MAP4K1: variants seen among roughly 807,000 people sequenced by gnomAD.
MAP4K1 encodes the protein mitogen-activated protein kinase kinase kinase kinase 1, also known as MAPK/ERK kinase kinase kinase 1.
A neutral mutation model predicts 122.8 loss-of-function variants in MAP4K1; 35 were observed. The ratio of observed to expected loss-of-function variants is 0.29; its 90% CI spans 0.22 to 0.38. MAP4K1 has a LOEUF of 0.38. Among genes scored for constraint, MAP4K1 ranks in the 10% least tolerant of loss-of-function variants. The pLI, the probability that MAP4K1 is intolerant of heterozygous loss-of-function variation, is 1.00. For missense variants in MAP4K1, 791 were observed against 1,072.6 expected (o/e 0.74, Z 3.67); for synonymous variants, 412 against 421.3 (o/e 0.98, Z 0.27).
Position 38,597,275 on chromosome 19 carries a change from C to T in MAP4K1, c.1837+51G>A, listed in dbSNP as rs775134715. The T allele has an allele frequency of 6.2e-7, 1 of 1,610,930 alleles. No individual in the cohort carries two copies. On this transcript the variant is annotated intron_variant, in intron 24 of 30. Transcript: ENST00000396857. The surrounding 1 kb of genome is among the most constrained non-coding windows in gnomAD (Gnocchi z 4.6). ...CAGGTGGATGCAGTTCAAGCCCCTC[C>T]TCTGGCCTGGCCCCGCCCACTCTCT...
chr19:38,616,321 C>T (rs1975647672), intron 3 of MAP4K1, 62 bp from the exon 4 acceptor site: 1 of 1,380,052 alleles, frequency 7.2e-7, no homozygotes, highest in Non-Finnish European at 1.0e-6. Flanking sequence ...TGCAGGAAAG[C>T]CCCTGGTTTG....
At chr19:38,600,533 C>T (rs994778103) in intron 20 of MAP4K1, among the ~76,000 whole-genome samples, 1 of 152,104 alleles carries the variant, frequency 6.6e-6, no homozygotes, top group Non-Finnish European at 1.5e-5. Context: ...CACCCCCAAA[C>T]AGGACTTTTT....
chr19:38,596,744 G>A (rs557120611), intron 25 of MAP4K1, among the ~76,000 whole-genome samples: 1 of 152,318 alleles, frequency 6.6e-6, no homozygotes, highest in South Asian at 2.1e-4. Flanking sequence ...AACCTGCTTA[G>A]ACACTCAAAG....
In MAP4K1 at chr19:38,616,239, C is replaced by G; in HGVS notation, c.269G>C (p.Cys90Ser). Residue 90 changes from cysteine (C) to serine (S), a missense_variant, in exon 4 of 31, where the codon TGC (cysteine) becomes TCC (serine). This residue lies in a region of MAP4K1 where 163 missense variants were observed against 286.1 expected (regional missense o/e 0.57). Transcript: ENST00000396857. ...AGAACCAGCCCCACAGAATTCCATG[C>G]AGATCCAGAGTTTCTGCAACCTGCA... Reference protein sequence around the residue: ...SYLWLQKLWICMEFCGAGSLQ... With the variant: ...SYLWLQKLWISMEFCGAGSLQ... 6.2e-7 allele frequency: 1 copy of G among 1,613,514 alleles called. No homozygotes were observed. Among genetic ancestry groups the G allele is most frequent in the South Asian group, 1.1e-5 (1 of 90,938 alleles).
chr19:38,605,336 A>G, intron 19 of MAP4K1, 73 bp downstream of exon 19: 1 of 1,108,396 alleles, frequency 9.0e-7, no homozygotes, highest in Non-Finnish European at 1.3e-6. Flanking sequence ...CAGTCCTGCC[A>G]CCCCCTCCCC....
At chr19:38,594,965 C>G (rs1018443550) in intron 29 of MAP4K1, among the ~76,000 whole-genome samples, 8 of 144,096 alleles carry the variant, frequency 5.6e-5, no homozygotes, top group African/African-American at 2.2e-4. Context: ...TTTTATCTAT[C>G]TATCTATCTA....
rs1164261721 is a variant in MAP4K1 at position 38,590,373 on chromosome 19, G to GAAAAAAAAAAAAA, written c.2397-2569_2397-2557dup. Among the ~76,000 whole-genome samples, 12 of 18,020 alleles carry GAAAAAAAAAAAAA rather than the reference G, an allele frequency of 6.7e-4. 6 individuals carry two copies. The highest frequency in any genetic ancestry group is 2.1e-3 in the Admixed American group (2 of 938). The allele number at this position is 18,020 out of a possible 152,430, so 11.8% of individuals were successfully genotyped here. A position where few individuals can be genotyped will look rare whatever the true frequency, so the allele number is the denominator to read the frequency against. On this transcript the variant is annotated intron_variant, in intron 30 of 30. Coordinates refer to ENST00000396857, the MANE Select transcript of MAP4K1 (RefSeq NM_001042600.3). ...AAGTGCCACCTATGATCTTGGACCA[G>GAAAAAAAAAAAAA]AAAAAAAAAAAAAAAAAAAAAATAT...
intron 20 of MAP4K1, 30 bp downstream of exon 20, chr19:38,601,411 A>G (rs746032578): frequency 1.9e-6 from 3 of 1,579,500 alleles, no homozygotes; most frequent in South Asian, 1.1e-5. Context: ...CATTCCCTAC[A>G]GGATCTCCTT....
At chr19:38,591,526 C>CAA (rs5828010) in intron 30 of MAP4K1, among the ~76,000 whole-genome samples, 7 of 66,590 alleles carry the variant, frequency 1.1e-4, no homozygotes, top group Admixed American at 2.8e-4. Context: ...GACTCCATCT[C>CAA]AAAAAAAAAA....
chr19:38,596,091 A>C (rs1599692734), intron 26 of MAP4K1, 90 bp from the exon 27 acceptor site: 1 of 1,396,202 alleles, frequency 7.2e-7, no homozygotes, highest in Non-Finnish European at 1.0e-6. Flanking sequence ...TGCTTTAGCC[A>C]CCGCCTCAGT....
chr19:38,601,787 G>GT (rs1001364338), intron 19 of MAP4K1: 51 of 432,494 alleles, frequency 1.2e-4, no homozygotes, highest in East Asian at 3.5e-4. Context: ...ATCAGCATTT[G>GT]TTTTTTTTAA....
At position 38,606,207 on chromosome 19, in the gene MAP4K1, G is replaced by A. The variant is rs1215761980; in HGVS notation, c.1166C>T (p.Pro389Leu). 3.9e-6 allele frequency: 6 copies of A among 1,555,352 alleles called. No individual in the cohort carries two copies. The highest frequency in any genetic ancestry group is 5.2e-6 in the Non-Finnish European group (6 of 1,153,878). ...DDYDDVDIPT[P>L]AEDTPPPLPP... ...AAGTGGAGGAGGTGTGTCCTCTGCAGGGGTGGGGCTGAAACACAAAGATGG... is the reference window on the plus strand; with the variant it reads ...AAGTGGAGGAGGTGTGTCCTCTGCAAGGGTGGGGCTGAAACACAAAGATGG... Residue 389 changes from proline (P) to leucine (L), a missense_variant, in exon 17 of 31, where the codon CCT becomes CTT. Pro to Leu is a moderately conservative substitution (Grantham distance 98, BLOSUM62 -3). This residue lies in a region of MAP4K1 where 303 missense variants were observed against 344.8 expected (regional missense o/e 0.88). Transcript: ENST00000396857.
intron 19 of MAP4K1, among the ~76,000 whole-genome samples, chr19:38,604,847 G>A (rs1213870668): frequency 6.6e-6 from 1 of 151,638 alleles, no homozygotes; most frequent in Non-Finnish European, 1.5e-5. Context: ...AGCACTTTGG[G>A]AGGCCGAGGC....
At position 38,617,177 on chromosome 19, in the gene MAP4K1, A is replaced by AGAGGT. The variant is rs1375591457; in HGVS notation, c.248+172_248+176dup. 1.3e-5 allele frequency among the ~76,000 whole-genome samples: 2 copies of AGAGGT among 152,114 alleles called. No homozygotes were observed. The highest frequency in any genetic ancestry group is 3.9e-4 in the East Asian group (2 of 5,180). ...AGAGAATTGCTTGAACCCAGGAGGC[A>AGAGGT]GAGGTTGCAGTGAGCTGAGATCATG... On this transcript the variant is annotated intron_variant, in intron 3 of 30. Transcript: ENST00000396857. This position sits in a 1 kb window ranked among gnomAD's most constrained non-coding sequence, Gnocchi z 4.1.
At position 38,596,301 on chromosome 19, in the gene MAP4K1, G is replaced by A; in HGVS notation, c.2116+11C>T. ...TAAGCCCCGCCCTCAGCAAGACTCC[G>A]CCCCACTCACCGGTGCTCATCTCGC... On this transcript the variant is annotated intron_variant, in intron 26 of 30. Coordinates refer to ENST00000396857, the MANE Select transcript of MAP4K1 (RefSeq NM_001042600.3). The A allele has an allele frequency of 6.5e-7, 1 of 1,549,890 alleles. No homozygotes were observed. Among genetic ancestry groups the A allele is most frequent in the Non-Finnish European group, 8.7e-7 (1 of 1,145,836 alleles).
intron 29 of MAP4K1, among the ~76,000 whole-genome samples, chr19:38,595,225 G>A (rs2145935132): frequency 6.6e-6 from 1 of 152,106 alleles, no homozygotes; most frequent in East Asian, 1.9e-4. Context: ...GGAGGTGGAG[G>A]TTGCAGTGAG....
chr19:38,607,803 G>A, intron 16 of MAP4K1, 61 bp downstream of exon 16: 1 of 1,561,524 alleles, frequency 6.4e-7, no homozygotes, highest in East Asian at 2.3e-5. Flanking sequence ...CACATCAGGG[G>A]ATTGTAGGAA....
rs943890508 is a variant in MAP4K1, at chr19:38,611,053, T to G, written c.808A>C (p.Ser270Arg). Residue 270 changes from serine to arginine, a missense_variant and splice_region_variant, in exon 11 of 31, where the codon AGT becomes CGT. Physicochemically the swap from Ser to Arg is moderately radical, Grantham distance 110. This residue lies in a region of MAP4K1 where 303 missense variants were observed against 344.8 expected (regional missense o/e 0.88). Transcript: ENST00000396857. Reference sequence around the variant, plus strand: ...GATCTTGGGGAAGGGAGGGTTACACTGAGCATCTTGGTGGCGCTGGGTCGT... The same window carrying G: ...GATCTTGGGGAAGGGAGGGTTACACGGAGCATCTTGGTGGCGCTGGGTCGT... Reference protein sequence around the residue: ...KKRPSATKMLSHQLVSQPGLN... With the variant: ...KKRPSATKMLRHQLVSQPGLN... 4.3e-6 allele frequency: 7 copies of G among 1,611,766 alleles called. No individual in the cohort carries two copies. The highest frequency in any genetic ancestry group is 5.9e-6 in the Non-Finnish European group (7 of 1,178,772).
intron 13 of MAP4K1, among the ~76,000 whole-genome samples, chr19:38,608,747 C>T (rs963277850): frequency 4.9e-5 from 7 of 142,338 alleles, no homozygotes; most frequent in African/African-American, 1.9e-4. Context: ...TTTTGGTGAG[C>T]CAAGATCGCA....
Sources: gnomAD v4.1 joint callset for allele counts (sites outside exome capture counted in the v4.1 genomes callset) on GRCh38, gnomAD v4.1.1 for gene constraint, gnomAD v4.1.1 regional missense constraint, Gnocchi (gnomAD v3.1) non-coding constraint, MANE v1.5 for transcripts, NCBI Gene and HGNC (gene_info 2026-07-23, HGNC 2026-07-21) for gene names.